Variants in KIT observed in about 807,000 individuals in gnomAD.
The protein encoded by KIT is mast/stem cell growth factor receptor Kit.
In KIT, 16 loss-of-function variants were observed where a neutral mutation model predicts 105.7. That is an observed-to-expected ratio of 0.15 (90% CI 0.10 to 0.23). The LOEUF (loss-of-function observed/expected upper bound fraction) is 0.23, where lower values mean the gene tolerates loss of function less well. Ranked by LOEUF, KIT falls within the 10% of genes least tolerant of loss-of-function variation. The probability of loss-of-function intolerance (pLI) is 1.00; values close to 1 mark genes in which losing one functional copy is unlikely to be tolerated. For synonymous variants in KIT, 438 were observed against 441.1 expected, an observed-to-expected ratio of 0.99 and a Z score of 0.09; for missense variants, 858 against 1,213.8, an observed-to-expected ratio of 0.71 and a Z score of 4.36.
At chr4:54,684,749 C>A (rs142534706) in intron 1 of KIT, among the ~76,000 whole-genome samples, 1 of 152,342 alleles carries the variant, frequency 6.6e-6, no homozygotes, top group Non-Finnish European at 1.5e-5. Context: ...TACCAATGGC[C>A]GGGCCTGCTT....
chr4:54,723,810 T>G, intron 8 of KIT, 112 bp downstream of exon 8: 1 of 780,968 alleles, frequency 1.3e-6, no homozygotes, highest in Non-Finnish European at 2.2e-6. Context: ...TTTTGATTAT[T>G]GTTTTTTTTC....
At chr4:54,692,024 A>G (rs575333735) in intron 1 of KIT, among the ~76,000 whole-genome samples, 66 of 152,312 alleles carry the variant, frequency 4.3e-4, no homozygotes, top group Admixed American at 1.3e-4. Context: ...AAGTGTGCCT[A>G]ACATTTATTA....
rs1297912833 is a variant in KIT at position 54,658,054 on chromosome 4, C to G, written c.40C>G (p.Leu14Val). The change falls in exon 1 of 21, where the codon CTG becomes GTG. Residue 14 changes from leucine to valine, a missense_variant. By Grantham distance (32) the Leu-to-Val change is conservative. Around this residue, in one of 7 missense-constraint regions of KIT, gnomAD observed 46 missense variants for 38.8 expected, o/e 1.19. Coordinates refer to ENST00000288135, the MANE Select transcript of KIT (RefSeq NM_000222.3). ...CGGCGCCTGGGATTTTCTCTGCGTT[C>G]TGCTCCTACTGCTTCGCGTCCAGAC... ...ARGAWDFLCV[L>V]LLLLRVQTGS... 2 of 1,613,748 alleles carry G rather than the reference C, an allele frequency of 1.2e-6. No homozygotes were observed. The highest frequency in any genetic ancestry group is 1.7e-6 in the Non-Finnish European group (2 of 1,179,894).
intron 1 of KIT, among the ~76,000 whole-genome samples, chr4:54,661,696 G>A (rs1717281580): frequency 6.6e-6 from 1 of 152,214 alleles, no homozygotes; most frequent in Non-Finnish European, 1.5e-5. Flanking sequence ...TTCATGTGCA[G>A]TTTTGGTAAC....
At chr4:54,684,843 C>T (rs1719200460) in intron 1 of KIT, among the ~76,000 whole-genome samples, 1 of 152,198 alleles carries the variant, frequency 6.6e-6, no homozygotes. Flanking sequence ...CGACATGCAG[C>T]TGGGATTGCT....
chr4:54,678,402 C>G (rs1405521839), intron 1 of KIT, among the ~76,000 whole-genome samples: 4 of 138,284 alleles, frequency 2.9e-5, no homozygotes, highest in African/African-American at 1.1e-4. Flanking sequence ...GGCTGTCTCC[C>G]TGCTCCTTCA....
At chr4:54,738,106 T>A (rs1723030680) in intron 20 of KIT, among the ~76,000 whole-genome samples, 1 of 152,196 alleles carries the variant, frequency 6.6e-6, no homozygotes, top group South Asian at 2.1e-4. Flanking sequence ...TATTGGGTTG[T>A]AGTTGCTGGA....
intron 7 of KIT, among the ~76,000 whole-genome samples, chr4:54,709,864 T>C (rs912156359): frequency 2.6e-5 from 4 of 152,086 alleles, no homozygotes; most frequent in African/African-American, 9.7e-5. Context: ...GGGGGGCTAG[T>C]GGTTGAATAG....
chr4:54,726,089 G>A (rs1722201889), intron 9 of KIT, 39 bp downstream of exon 9: 2 of 1,514,192 alleles, frequency 1.3e-6, no homozygotes, highest in Non-Finnish European at 9.2e-7. Flanking sequence ...GGATGTTTAG[G>A]CTCTGTCTAC....
chr4:54,696,176 G>C (rs77422070), intron 2 of KIT, among the ~76,000 whole-genome samples: 5 of 152,006 alleles, frequency 3.3e-5, no homozygotes, highest in African/African-American at 1.2e-4. Flanking sequence ...TAACCAGACC[G>C]ACACTTCGAA....
intron 7 of KIT, among the ~76,000 whole-genome samples, chr4:54,723,009 T>C (rs999710165): frequency 1.3e-5 from 2 of 151,850 alleles, no homozygotes; most frequent in East Asian, 3.9e-4. Context: ...AAGCCCATAT[T>C]GTATTTTACT....
chr4:54,709,428 G>T lies in KIT; in HGVS notation c.1120G>T (p.Val374Leu), dbSNP rs73137716. Residue 374 changes from valine (V) to leucine (L), a missense_variant, in exon 7 of 21, where the codon GTA becomes TTA. Val to Leu is a conservative substitution (Grantham distance 32). Around this residue, in one of 7 missense-constraint regions of KIT, gnomAD observed 401 missense variants for 601.0 expected, o/e 0.67. Transcript: ENST00000288135. ...KSENESNIRY[V>L]SELHLTRLKG... ...CTAGTTGTCTTTTCTTTGTAGATAC[G>T]TAAGTGAACTTCATCTAACGAGATT... 1 of 1,602,326 alleles carries T rather than the reference G, an allele frequency of 6.2e-7. No individual in the cohort carries two copies. The highest frequency in any genetic ancestry group is 1.7e-5 in the Admixed American group (1 of 60,006).
chr4:54,697,294 G>C lies in KIT; in HGVS notation c.338-990G>C, dbSNP rs537299441. Reference sequence around the variant, plus strand: ...AAACTTTTTTTTCAAAATTGATCAAGGATAAAACACAAACCTATTTCAATG... The same window carrying C: ...AAACTTTTTTTTCAAAATTGATCAACGATAAAACACAAACCTATTTCAATG... On this transcript the variant is annotated intron_variant, in intron 2 of 20. Transcript: ENST00000288135. 3.3e-5 allele frequency among the ~76,000 whole-genome samples: 5 copies of C among 152,248 alleles called. No homozygotes were observed. In the South Asian group the frequency reaches 1.0e-3, roughly 32 times the overall value.
intron 1 of KIT, among the ~76,000 whole-genome samples, chr4:54,693,345 TTTC>T (rs1327273468): frequency 6.6e-6 from 1 of 152,212 alleles, no homozygotes; most frequent in Admixed American, 6.5e-5. Flanking sequence ...CTCTCTCCCT[TTTC>T]TTCCTGGTGG....
chr4:54,679,812 G>A (rs1718773216), intron 1 of KIT, among the ~76,000 whole-genome samples: 1 of 152,168 alleles, frequency 6.6e-6, no homozygotes, highest in Non-Finnish European at 1.5e-5. Context: ...CATATACACA[G>A]TGGACTATTA....
In KIT at chr4:54,723,683, C is replaced by T. The variant is rs774389709; in HGVS notation, c.1331C>T (p.Pro444Leu). Reference protein sequence around the residue: ...PEPTIDWYFCPGTEQRCSASV... With the variant: ...PEPTIDWYFCLGTEQRCSASV... ...CCCACAATAGATTGGTATTTTTGTC[C>T]AGGAACTGAGCAGAGGTGAGATGAT... The change falls in exon 8 of 21, where the codon CCA becomes CTA. Residue 444 changes from proline to leucine, a missense_variant. Transcript: ENST00000288135. The T allele has an allele frequency of 2.5e-6, 4 of 1,609,182 alleles. No individual in the cohort carries two copies. The highest frequency in any genetic ancestry group is 2.6e-6 in the Non-Finnish European group (3 of 1,175,624).
Position 54,739,511 on chromosome 4 carries a change from T to C in KIT, c.*954T>C, listed in dbSNP as rs1158360696. 2 of 233,462 alleles carry C rather than the reference T, an allele frequency of 8.6e-6. No homozygotes were observed. Among genetic ancestry groups the C allele is most frequent in the East Asian group, 6.0e-5 (1 of 16,586 alleles). The allele number at this position is 233,462 out of a possible 1,614,324, so 14.5% of individuals were successfully genotyped here. A position where few individuals can be genotyped will look rare whatever the true frequency, so the allele number is the denominator to read the frequency against. ...GCATTGTACTCAATGGATTTGATGC[T>C]GTTTGACAAAGTTACTGATTCACTG... On this transcript the variant is annotated 3_prime_UTR_variant, in exon 21 of 21. Coordinates refer to ENST00000288135, the MANE Select transcript of KIT (RefSeq NM_000222.3).
chr4:54,667,128 C>G (rs1717759242), intron 1 of KIT, among the ~76,000 whole-genome samples: 1 of 152,094 alleles, frequency 6.6e-6, no homozygotes, highest in South Asian at 2.1e-4. Flanking sequence ...AAGGACGGCT[C>G]CCAAAGTCCT....
In KIT at chr4:54,723,326, G is replaced by A. The variant is rs190411301; in HGVS notation, c.1232-258G>A. Among the ~76,000 whole-genome samples, 14 of 152,268 alleles carry A rather than the reference G, an allele frequency of 9.2e-5. 1 individual carries two copies. In the East Asian group the frequency reaches 2.5e-3, roughly 27 times the overall value. The stretch of plus-strand genomic sequence containing the variant: ...CCTACTCCCTGAAAGCAGAAACCCT[G>A]CAGTTGGCCCTGCCACCTCTGCCTC... On this transcript the variant is annotated intron_variant, in intron 7 of 20. Transcript: ENST00000288135.
Sources: allele counts gnomAD v4.1 joint callset (sites outside exome capture counted in the v4.1 genomes callset), GRCh38; gene constraint gnomAD v4.1.1; regional missense constraint gnomAD v4.1.1; transcripts MANE v1.5; gene names NCBI Gene and HGNC (gene_info 2026-07-23, HGNC 2026-07-21).